Variants in GABRG3 observed in about 807,000 individuals in gnomAD.
GABRG3 encodes gamma-aminobutyric acid receptor subunit gamma-3.
In GABRG3, 25 loss-of-function variants were observed where a neutral mutation model predicts 48.8. The observed-to-expected ratio is 0.51, with a 90% confidence interval of 0.37 to 0.72. The LOEUF is 0.72. GABRG3 is among the 30% of genes least tolerant of loss of function. The probability of loss-of-function intolerance (pLI) is 0.00; values close to 1 mark genes in which losing one functional copy is unlikely to be tolerated. For synonymous variants in GABRG3, 227 were observed against 217.6 expected, an observed-to-expected ratio of 1.04 and a Z score of -0.38; for missense variants, 394 against 577.9, an observed-to-expected ratio of 0.68 and a Z score of 3.26.
At chr15:27,379,639 C>T (rs1437193182) in intron 5 of GABRG3, among the ~76,000 whole-genome samples, 3 of 152,068 alleles carry the variant, frequency 2.0e-5, no homozygotes, top group Non-Finnish European at 2.9e-5. Context: ...TAATTTTTAT[C>T]GAAGTCTTTA....
chr15:27,472,825 T>C (rs982183953), intron 5 of GABRG3, among the ~76,000 whole-genome samples: 1 of 152,162 alleles, frequency 6.6e-6, no homozygotes, highest in African/African-American at 2.4e-5. Context: ...TATGTATATA[T>C]GTATGTTGAC....
intron 3 of GABRG3, among the ~76,000 whole-genome samples, chr15:27,252,274 G>A (rs1333832005): frequency 6.6e-6 from 1 of 152,170 alleles, no homozygotes; most frequent in East Asian, 1.9e-4. Flanking sequence ...CCCTGTCCGA[G>A]GAGTTGCAGT....
chr15:27,505,220 T>C (rs1234515706), intron 6 of GABRG3, among the ~76,000 whole-genome samples: 1 of 152,188 alleles, frequency 6.6e-6, no homozygotes, highest in East Asian at 1.9e-4. Flanking sequence ...TTGTCTGTTT[T>C]CTCATGTTAG....
chr15:27,520,217 G>A (rs1240242723), intron 7 of GABRG3, 93 bp downstream of exon 7: 32 of 1,226,782 alleles, frequency 2.6e-5, no homozygotes, highest in Non-Finnish European at 3.3e-5. Flanking sequence ...CTATTTAAAT[G>A]TGAATGATCT....
At chr15:27,302,669 A>T (rs1428068339) in intron 3 of GABRG3, among the ~76,000 whole-genome samples, 7 of 152,040 alleles carry the variant, frequency 4.6e-5, no homozygotes, top group African/African-American at 7.2e-5. Context: ...CATTCTACCT[A>T]AAAACAGCAG....
intron 3 of GABRG3, among the ~76,000 whole-genome samples, chr15:27,123,416 G>C (rs540610357): frequency 3.9e-5 from 6 of 152,172 alleles, no homozygotes; most frequent in African/African-American, 1.2e-4. Context: ...AAAGAGGCCT[G>C]TGGGAACTCA....
chr15:27,480,814 C>G (rs766342945), intron 6 of GABRG3, 27 bp downstream of exon 6: 2 of 1,611,758 alleles, frequency 1.2e-6, no homozygotes, highest in East Asian at 2.2e-5. Context: ...AGAGGCACAG[C>G]TCTCAAAAGC....
chr15:27,420,560 T>A lies in GABRG3; in HGVS notation c.575-60090T>A, dbSNP rs372843088. 13 of 152,360 alleles carry A rather than the reference T, an allele frequency of 8.5e-5. No individual in the cohort carries two copies. The East Asian group carries it at 2.5e-3, about 29-fold the overall frequency. The allele number at this position is 152,360 out of a possible 1,614,324, so 9.4% of individuals were successfully genotyped here. On this transcript the variant is annotated intron_variant, in intron 5 of 9. Transcript: ENST00000615808. Reference sequence around the variant, plus strand: ...CTCACCGCACACACAAAAAATCTAGTAACCGTGTGAGATGATGGACATGTT... The same window carrying A: ...CTCACCGCACACACAAAAAATCTAGAAACCGTGTGAGATGATGGACATGTT...
chr15:27,193,658 C>A (rs555843094), intron 3 of GABRG3, among the ~76,000 whole-genome samples: 50 of 152,320 alleles, frequency 3.3e-4, no homozygotes, highest in African/African-American at 1.2e-3. Context: ...AACTCCCTGA[C>A]CCCTTGCACT....
At chr15:27,075,218 TTTA>T (rs1896891377) in intron 3 of GABRG3, among the ~76,000 whole-genome samples, 1 of 152,234 alleles carries the variant, frequency 6.6e-6, no homozygotes, top group East Asian at 1.9e-4. Context: ...GCTTCCCTCT[TTTA>T]TTGAGCAAAA....
At chr15:27,222,623 A>G (rs1050922518) in intron 3 of GABRG3, among the ~76,000 whole-genome samples, 6 of 152,200 alleles carry the variant, frequency 3.9e-5, no homozygotes, top group African/African-American at 1.4e-4. Flanking sequence ...GAAATGGCAA[A>G]GGACAGAATG....
chr15:27,478,756 C>T (rs1890023140), intron 5 of GABRG3, among the ~76,000 whole-genome samples: 1 of 152,150 alleles, frequency 6.6e-6, no homozygotes, highest in South Asian at 2.1e-4. Flanking sequence ...GATCTATCAA[C>T]TGATGAATGG....
intron 5 of GABRG3, among the ~76,000 whole-genome samples, chr15:27,476,048 A>C (rs534192250): frequency 4.6e-5 from 7 of 152,294 alleles, no homozygotes; most frequent in African/African-American, 1.4e-4. Flanking sequence ...TCAAAAGAAC[A>C]TAAAAGCAAC....
intron 7 of GABRG3, among the ~76,000 whole-genome samples, chr15:27,523,261 A>C (rs1891199013): frequency 6.6e-6 from 1 of 151,872 alleles, no homozygotes; most frequent in Admixed American, 6.6e-5. Flanking sequence ...TATTAGATAA[A>C]AAGAAACATC....
Position 27,537,653 on chromosome 15 carries a change from T to C in GABRG3, c.*4772T>C, listed in dbSNP as rs570788148. The C allele has an allele frequency of 2.6e-5, 4 of 152,226 alleles. No individual in the cohort carries two copies. In the East Asian group the frequency reaches 7.7e-4, roughly 29 times the overall value. The allele number at this position is 152,226 out of a possible 1,614,324, so 9.4% of individuals were successfully genotyped here. Reference sequence around the variant, plus strand: ...TTTCTGGAAGAATTAAAAACTTGGCTTTCTTTTTCTTAATGTCTAATAGTT... The same window carrying C: ...TTTCTGGAAGAATTAAAAACTTGGCCTTCTTTTTCTTAATGTCTAATAGTT... On this transcript the variant is annotated 3_prime_UTR_variant, in exon 10 of 10. Coordinates refer to ENST00000615808, the MANE Select transcript of GABRG3 (RefSeq NM_033223.5).
chr15:27,068,632 C>T (rs976408068), intron 3 of GABRG3, among the ~76,000 whole-genome samples: 4 of 152,202 alleles, frequency 2.6e-5, no homozygotes, highest in African/African-American at 9.7e-5. Flanking sequence ...AGGGTGAATT[C>T]AGAGCTGAGA....
At chr15:27,366,672 GA>G (rs1289061660) in intron 5 of GABRG3, among the ~76,000 whole-genome samples, 6 of 152,122 alleles carry the variant, frequency 3.9e-5, no homozygotes, top group African/African-American at 1.4e-4. Context: ...TCCTCTCACA[GA>G]TCCAGGTTCA....
intron 3 of GABRG3, chr15:27,271,772 A>G: frequency 2.7e-6 from 1 of 369,924 alleles, no homozygotes; most frequent in Non-Finnish European, 5.4e-6. Flanking sequence ...GCGGTCAGGG[A>G]CGCATAGGCA....
intron 3 of GABRG3, among the ~76,000 whole-genome samples, chr15:27,086,380 T>C (rs1897077790): frequency 6.6e-6 from 1 of 152,192 alleles, no homozygotes. Flanking sequence ...GATCCATGTC[T>C]GTGTCACTCG....
Sources: allele counts gnomAD v4.1 joint callset (sites outside exome capture counted in the v4.1 genomes callset), GRCh38; gene constraint gnomAD v4.1.1; transcripts MANE v1.5; gene names NCBI Gene and HGNC (gene_info 2026-07-23, HGNC 2026-07-21).